The following CARHSP1 variants were observed in gnomAD, a reference collection of about 807,000 sequenced individuals.
The protein encoded by CARHSP1 is calcium regulated heat stable protein 1.
In CARHSP1, 14 loss-of-function variants were observed where a neutral mutation model predicts 12.5. The ratio of observed to expected loss-of-function variants is 1.12; its 90% confidence interval spans 0.74 to 1.75. CARHSP1 has a LOEUF of 1.75. CARHSP1 is among the 40% of genes most tolerant of loss of function. CARHSP1 has a pLI of 0.00. For synonymous variants in CARHSP1, 161 were observed against 82.0 expected (o/e 1.96, Z -5.20); for missense variants, 343 against 201.6 (o/e 1.70, Z -4.25).
intron 1 of CARHSP1, chr16:8,868,377 G>C (rs1357535711): frequency 1.1e-4 from 17 of 152,116 alleles, no homozygotes; most frequent in African/African-American, 4.1e-4. Flanking sequence ...CGCGGGTGAA[G>C]TTTTTCTCCA....
At chr16:8,856,087 G>A (rs1949372156) in intron 3 of CARHSP1, among the ~76,000 whole-genome samples, 1 of 152,200 alleles carries the variant, frequency 6.6e-6, no homozygotes, top group Non-Finnish European at 1.5e-5. Flanking sequence ...GGGATTACAA[G>A]CGTGAGCCAC....
At chr16:8,858,671 C>T (rs2061236970) in intron 2 of CARHSP1, 199 bp from the exon 3 acceptor site, 1 of 594,964 alleles carries the variant, frequency 1.7e-6, no homozygotes, top group South Asian at 2.5e-5. Flanking sequence ...CTTTGGATGA[C>T]CCTGGCCAAT....
intron 1 of CARHSP1, chr16:8,867,542 G>C (rs962519180): frequency 4.6e-5 from 7 of 152,284 alleles, no homozygotes; most frequent in Non-Finnish European, 8.8e-5. Flanking sequence ...TTTGCCACTC[G>C]GTGGAACAAA....
At chr16:8,858,509 C>CGCTCCTGGGCACACAAAGCTCATTCCA in intron 2 of CARHSP1, 37 bp from the exon 3 acceptor site, 1 of 1,605,390 alleles carries the variant, frequency 6.2e-7, no homozygotes, top group Non-Finnish European at 8.5e-7. Flanking sequence ...GCCCCATCAG[C>CGCTCCTGGGCACACAAAGCTCATTCCA]GCTCCTGGGC....
chr16:8,867,055 GACCCCACCCAGCAGGGAGACGGTC>G lies in CARHSP1; in HGVS notation c.-8+1887_-8+1910del, dbSNP rs558307612. ...CCTGGACGGCCTCGACCGGACGGGC[GACCCCACCCAGCAGGGAGACGGTC>G]ACCCCACCGCCACCACCCACCTGGG... is the stretch of plus-strand genomic sequence containing the variant. On this transcript the variant is annotated intron_variant, in intron 1 of 3. Transcript: ENST00000311052. Among the ~76,000 whole-genome samples, 22 of 152,174 alleles carry G rather than the reference GACCCCACCCAGCAGGGAGACGGTC, an allele frequency of 1.4e-4. No individual in the cohort carries two copies. In the South Asian group the frequency reaches 4.2e-3, roughly 29 times the overall value.
At chr16:8,858,692 C>A in intron 2 of CARHSP1, 1 of 546,712 alleles carries the variant, frequency 1.8e-6, no homozygotes, top group South Asian at 2.6e-5. Context: ...TTTCTCGGGC[C>A]TGTTTTCCCT....
chr16:8,859,161 C>A lies in CARHSP1; in HGVS notation c.158+10G>T, dbSNP rs1338900597. The A allele has an allele frequency of 1.3e-6, 2 of 1,591,682 alleles. No homozygotes were observed. Among genetic ancestry groups the A allele is most frequent in the Non-Finnish European group, 1.7e-6 (2 of 1,166,612 alleles). ...TCTGAGAACGCGTCCCCAGCCTGCT[C>A]CAGACTCACGCCGAGAAGGTCCTCG... On this transcript the variant is annotated intron_variant, in intron 2 of 3. Coordinates refer to ENST00000311052, the MANE Select transcript of CARHSP1 (RefSeq NM_014316.4).
rs781301637 is a variant in CARHSP1, at chr16:8,853,474, C to G, written c.*1690G>C. The stretch of plus-strand genomic sequence containing the variant: ...AACTGCCTTTGTCTCCACACACTCG[C>G]AATCAACATGCGTATTTGCTATTCT... On this transcript the variant is annotated 3_prime_UTR_variant, in exon 4 of 4. Coordinates refer to ENST00000311052, the MANE Select transcript of CARHSP1 (RefSeq NM_014316.4). The G allele has an allele frequency of 2.0e-5, 3 of 152,160 alleles. No homozygotes were observed. Among genetic ancestry groups the G allele is most frequent in the African/African-American group, 4.8e-5 (2 of 41,426 alleles). The allele number at this position is 152,160 out of a possible 1,614,324, so 9.4% of individuals were successfully genotyped here.
intron 1 of CARHSP1, among the ~76,000 whole-genome samples, 187 bp from the exon 2 acceptor site, chr16:8,859,522 C>G (rs1276379008): frequency 2.0e-5 from 3 of 151,800 alleles, no homozygotes; most frequent in African/African-American, 4.8e-5. Context: ...CCTGAAGCAA[C>G]CGTGGGGCCC....
intron 3 of CARHSP1, chr16:8,857,874 G>A (rs1567182156): frequency 6.5e-6 from 1 of 154,614 alleles, no homozygotes; most frequent in South Asian, 1.8e-4. Context: ...CCATTCTCCT[G>A]CCTCAGCCTC....
chr16:8,861,545 C>T (rs1481283421), intron 1 of CARHSP1: 3 of 1,141,338 alleles, frequency 2.6e-6, no homozygotes, highest in Non-Finnish European at 2.3e-6. Context: ...AGAAGGGATG[C>T]CCCATCCCTG....
At chr16:8,859,132 T>TCCATC (rs777141732) in intron 2 of CARHSP1, 39 bp downstream of exon 2, 2 of 1,536,104 alleles carry the variant, frequency 1.3e-6, no homozygotes, top group African/African-American at 2.8e-5. Context: ...AGGCAAGAGA[T>TCCATC]CCATCTGAGA....
At position 8,854,395 on chromosome 16, in the gene CARHSP1, C is replaced by G. The variant is rs1271340659; in HGVS notation, c.*769G>C. On this transcript the variant is annotated 3_prime_UTR_variant, in exon 4 of 4. Coordinates refer to ENST00000311052, the MANE Select transcript of CARHSP1 (RefSeq NM_014316.4). ...CCCCCCGCCGCCATAATTACAGGGG[C>G]TGTGAAATGGCTGTTGAGTGATGGT... 6.6e-6 allele frequency: 1 copy of G among 152,170 alleles called. No individual in the cohort carries two copies. The highest frequency in any genetic ancestry group is 2.4e-5 in the African/African-American group (1 of 41,412). The allele number at this position is 152,170 out of a possible 1,614,324, so 9.4% of individuals were successfully genotyped here.
intron 1 of CARHSP1, among the ~76,000 whole-genome samples, chr16:8,860,942 C>G (rs770652777): frequency 6.6e-6 from 1 of 151,126 alleles, no homozygotes; most frequent in African/African-American, 2.4e-5. Flanking sequence ...CCCAGCTACT[C>G]GGGAGGCCAA....
chr16:8,857,125 C>T (rs566600729), intron 3 of CARHSP1, among the ~76,000 whole-genome samples: 8 of 152,246 alleles, frequency 5.3e-5, no homozygotes, highest in South Asian at 2.1e-4. Flanking sequence ...AATGGGCACT[C>T]GGACTCACCC....
At chr16:8,858,572 C>T in intron 2 of CARHSP1, 100 bp from the exon 3 acceptor site, 1 of 1,432,754 alleles carries the variant, frequency 7.0e-7, no homozygotes, top group Non-Finnish European at 9.4e-7. Context: ...CAAGCCCTGG[C>T]CAGGACCGCC....
At chr16:8,865,799 T>C (rs1414737710) in intron 1 of CARHSP1, among the ~76,000 whole-genome samples, 3 of 152,200 alleles carry the variant, frequency 2.0e-5, no homozygotes, top group Admixed American at 2.0e-4. Context: ...GGGGAGGCAC[T>C]TTTAGCAGCC....
At chr16:8,866,673 T>A (rs1286617434) in intron 1 of CARHSP1, among the ~76,000 whole-genome samples, 1 of 129,092 alleles carries the variant, frequency 7.7e-6, no homozygotes, top group Admixed American at 8.0e-5. Flanking sequence ...GAGCGGGGGG[T>A]CTGGCGAGGG....
rs2061259219 is a variant in CARHSP1 at position 8,859,206 on chromosome 16, G to A, written c.123C>T (p.Ser41=). ...PSPLRGNVVP[S]PLPTRRTRTF... Reference sequence around the variant, plus strand: ...TCCTCGTCCGGCGAGTGGGCAGTGGGCTTGGGACCACGTTGCCCCGCAGAG... The same window carrying A: ...TCCTCGTCCGGCGAGTGGGCAGTGGACTTGGGACCACGTTGCCCCGCAGAG... The change falls in exon 2 of 4, where the codon AGC becomes AGT. Residue 41 remains serine (S), a synonymous_variant. Coordinates refer to ENST00000311052, the MANE Select transcript of CARHSP1 (RefSeq NM_014316.4). 2 of 1,604,184 alleles carry A rather than the reference G, an allele frequency of 1.2e-6. No individual in the cohort carries two copies. The highest frequency in any genetic ancestry group is 1.4e-5 in the African/African-American group (1 of 73,078).
Sources: gnomAD v4.1 joint callset for allele counts (sites outside exome capture counted in the v4.1 genomes callset) on GRCh38, gnomAD v4.1.1 for gene constraint, MANE v1.5 for transcripts, NCBI Gene and HGNC (gene_info 2026-07-23, HGNC 2026-07-21) for gene names.